Variants in ATRNL1 observed in about 807,000 individuals in gnomAD.
ATRNL1 encodes the protein attractin like 1, also known as attractin-like protein 1.
Under a neutral mutation model 182.7 loss-of-function variants are expected in ATRNL1, and 95 were observed. The ratio of observed to expected loss-of-function variants is 0.52; its 90% CI spans 0.44 to 0.62. The LOEUF is 0.62. Ranked by LOEUF, ATRNL1 falls within the 20% of genes least tolerant of loss-of-function variation. The pLI is 0.00. For missense variants in ATRNL1, 1,471 were observed against 1,679.5 expected, an observed-to-expected ratio of 0.88 and a Z score of 2.17; for synonymous variants, 576 against 568.3, an observed-to-expected ratio of 1.01 and a Z score of -0.19.
At chr10:115,129,266 A>G (rs1592139339) in intron 4 of ATRNL1, 61 bp from the exon 5 acceptor site, 2 of 1,323,960 alleles carry the variant, frequency 1.5e-6, no homozygotes, top group East Asian at 2.4e-5. Flanking sequence ...TTTATGATGT[A>G]TCAACCAAAA....
At position 115,215,871 on chromosome 10, in the gene ATRNL1, C is replaced by T. The variant is rs782690664; in HGVS notation, c.1523C>T (p.Thr508Ile). 1 of 1,560,216 alleles carries T rather than the reference C, an allele frequency of 6.4e-7. No individual in the cohort carries two copies. The highest frequency in any genetic ancestry group is 2.1e-5 in the Admixed American group (1 of 48,636). ...GATCTTTATAAATATGAAGTTAACA[C>T]TAAGACTTGGTGAGTACACAAAATA... ...VDDLYKYEVN[T>I]KTWTILKESG... is the part of the protein sequence containing the mutation. The change falls in exon 9 of 29, where the codon ACT (threonine) becomes ATT (isoleucine). Residue 508 changes from threonine (T) to isoleucine (I), a missense_variant. By Grantham distance (89) the Thr-to-Ile change is moderately conservative. Coordinates refer to ENST00000355044, the MANE Select transcript of ATRNL1 (RefSeq NM_207303.4).
At chr10:115,827,660 A>T (rs1048550845) in intron 27 of ATRNL1, among the ~76,000 whole-genome samples, 8 of 152,180 alleles carry the variant, frequency 5.3e-5, no homozygotes, top group Non-Finnish European at 1.0e-4. Context: ...TCTGGCTGGG[A>T]TAGATATGAA....
Position 115,155,605 on chromosome 10 carries a change from G to A in ATRNL1, c.830-4435G>A, listed in dbSNP as rs530697911. 4.6e-5 allele frequency among the ~76,000 whole-genome samples: 7 copies of A among 152,170 alleles called. No individual in the cohort carries two copies. The South Asian group carries it at 1.5e-3, about 32-fold the overall frequency. ...TGCTGTTACTCCTTTACAGCTTAAGGTGCTTTTCATTCATCCATCCATTGA... is the reference window on the plus strand; with the variant it reads ...TGCTGTTACTCCTTTACAGCTTAAGATGCTTTTCATTCATCCATCCATTGA... On this transcript the variant is annotated intron_variant, in intron 5 of 28. Coordinates refer to ENST00000355044, the MANE Select transcript of ATRNL1 (RefSeq NM_207303.4).
chr10:115,647,428 C>T (rs782327720), intron 26 of ATRNL1, among the ~76,000 whole-genome samples: 105 of 152,054 alleles, frequency 6.9e-4, no homozygotes, highest in Non-Finnish European at 1.2e-3. Flanking sequence ...AGTGTAAAAG[C>T]GTTCCTATTT....
At chr10:115,368,995 T>G (rs978125128) in intron 19 of ATRNL1, among the ~76,000 whole-genome samples, 1 of 152,088 alleles carries the variant, frequency 6.6e-6, no homozygotes, top group African/African-American at 2.4e-5. Flanking sequence ...ATTACATGCA[T>G]AAGCCACTGC....
At chr10:115,489,277 C>T (rs1449443438) in intron 24 of ATRNL1, among the ~76,000 whole-genome samples, 1 of 152,094 alleles carries the variant, frequency 6.6e-6, no homozygotes, top group Non-Finnish European at 1.5e-5. Context: ...TCCTGGATAT[C>T]CTTGTTAATT....
chr10:115,835,146 T>C (rs1478576640), intron 27 of ATRNL1, among the ~76,000 whole-genome samples: 1 of 152,160 alleles, frequency 6.6e-6, no homozygotes, highest in African/African-American at 2.4e-5. Flanking sequence ...ACAGAGGATA[T>C]TGGCGTCTTC....
intron 21 of ATRNL1, among the ~76,000 whole-genome samples, chr10:115,448,942 A>C (rs1223519422): frequency 1.3e-5 from 2 of 152,168 alleles, no homozygotes; most frequent in Non-Finnish European, 2.9e-5. Flanking sequence ...GTGTACAAAG[A>C]AGAGCTGGTA....
chr10:115,450,782 C>A (rs667976), intron 21 of ATRNL1, among the ~76,000 whole-genome samples: 43,161 of 152,010 alleles, frequency 0.28, 6,263 homozygotes, highest in Non-Finnish European at 0.32. Flanking sequence ...CTATTTTAAA[C>A]TTCATATGGA....
At chr10:115,210,102 C>T (rs529293991) in intron 8 of ATRNL1, among the ~76,000 whole-genome samples, 12 of 151,786 alleles carry the variant, frequency 7.9e-5, no homozygotes, top group African/African-American at 2.4e-4. Context: ...TGAATTATGC[C>T]GATTACTGGT....
chr10:115,236,506 T>C (rs572495897), intron 9 of ATRNL1, among the ~76,000 whole-genome samples: 20 of 152,350 alleles, frequency 1.3e-4, no homozygotes, highest in African/African-American at 4.8e-4. Flanking sequence ...ATTTACTTTT[T>C]CCATTTAATA....
intron 27 of ATRNL1, among the ~76,000 whole-genome samples, chr10:115,756,545 G>A (rs529321524): frequency 8.7e-4 from 132 of 151,708 alleles, no homozygotes; most frequent in African/African-American, 3.1e-3. Flanking sequence ...GTCATGATCC[G>A]TTCTTTTGCA....
At chr10:115,543,905 T>G (rs1351520955) in intron 25 of ATRNL1, among the ~76,000 whole-genome samples, 1 of 152,186 alleles carries the variant, frequency 6.6e-6, no homozygotes, top group East Asian at 1.9e-4. Context: ...CTTTCTTTCT[T>G]TCTTTGTTCT....
At chr10:115,480,021 T>C (rs900079679) in intron 24 of ATRNL1, among the ~76,000 whole-genome samples, 1 of 151,400 alleles carries the variant, frequency 6.6e-6, no homozygotes. Context: ...GATTTTTTAA[T>C]GAGAATGATG....
intron 20 of ATRNL1, among the ~76,000 whole-genome samples, chr10:115,403,480 A>C (rs545103137): frequency 6.6e-6 from 1 of 152,092 alleles, no homozygotes; most frequent in Non-Finnish European, 1.5e-5. Flanking sequence ...TTTTGAGACA[A>C]AGTCTAGCTC....
chr10:115,786,835 T>A (rs1949407885), intron 27 of ATRNL1, among the ~76,000 whole-genome samples: 1 of 152,210 alleles, frequency 6.6e-6, no homozygotes, highest in South Asian at 2.1e-4. Flanking sequence ...TTCTATTTCT[T>A]TTCAAAATGT....
intron 27 of ATRNL1, among the ~76,000 whole-genome samples, chr10:115,786,247 T>A (rs1949394163): frequency 6.6e-6 from 1 of 152,290 alleles, no homozygotes; most frequent in Non-Finnish European, 1.5e-5. Context: ...ACTTTTTTTT[T>A]AGGTATTATT....
chr10:115,866,518 G>A (rs1288158076), intron 28 of ATRNL1, among the ~76,000 whole-genome samples: 2 of 152,116 alleles, frequency 1.3e-5, no homozygotes, highest in South Asian at 2.1e-4. Context: ...TGACAAATTA[G>A]CAAAATCAAA....
intron 1 of ATRNL1, among the ~76,000 whole-genome samples, chr10:115,099,552 C>G (rs1554864080): frequency 6.6e-6 from 1 of 152,136 alleles, no homozygotes; most frequent in African/African-American, 2.4e-5. Flanking sequence ...TTCCCACCAG[C>G]AGTGAGTCAG....
Sources: gnomAD v4.1 joint callset for allele counts (sites outside exome capture counted in the v4.1 genomes callset) on GRCh38, gnomAD v4.1.1 for gene constraint, MANE v1.5 for transcripts, NCBI Gene and HGNC (gene_info 2026-07-23, HGNC 2026-07-21) for gene names.